ZFHX3: variants seen among roughly 807,000 people sequenced by gnomAD.
ZFHX3 encodes zinc finger homeobox 3, also known as zinc finger homeobox protein 3.
ZFHX3 carries 42 observed loss-of-function variants against 279.1 expected under a neutral mutation model. The ratio of observed to expected loss-of-function variants is 0.15; its 90% CI spans 0.12 to 0.19. The LOEUF (loss-of-function observed/expected upper bound fraction) is 0.19. ZFHX3 is among the 10% of genes least tolerant of loss of function. ZFHX3 has a pLI of 1.00. For missense variants in ZFHX3, 4,981 were observed against 4,754.0 expected (o/e 1.05, Z -1.40); for synonymous variants, 2,293 against 1,957.8 (o/e 1.17, Z -4.52).
At chr16:73,697,845 A>G (rs915488902) in intron 1 of ZFHX3, among the ~76,000 whole-genome samples, 1 of 152,178 alleles carries the variant, frequency 6.6e-6, no homozygotes, top group African/African-American at 2.4e-5. Flanking sequence ...TGGAAAACGT[A>G]TGTTTATTTC....
At chr16:73,443,370 G>A (rs529064091) in intron 3 of ZFHX3, among the ~76,000 whole-genome samples, 13 of 152,292 alleles carry the variant, frequency 8.5e-5, no homozygotes, top group African/African-American at 3.1e-4. Context: ...AGAATAATCA[G>A]AGTTCCCGGA....
chr16:73,409,291 C>T (rs1398376732), intron 3 of ZFHX3, among the ~76,000 whole-genome samples: 1 of 152,192 alleles, frequency 6.6e-6, no homozygotes, highest in African/African-American at 2.4e-5. Flanking sequence ...CTGGCTGAGT[C>T]CTCAACCCTG....
At chr16:73,687,878 G>A (rs958462647) in intron 1 of ZFHX3, among the ~76,000 whole-genome samples, 3 of 147,134 alleles carry the variant, frequency 2.0e-5, no homozygotes, top group Non-Finnish European at 3.0e-5. Context: ...AACAGATTTA[G>A]TAGCTATTAA....
At chr16:73,622,669 G>A (rs112898046) in intron 2 of ZFHX3, among the ~76,000 whole-genome samples, 2 of 152,162 alleles carry the variant, frequency 1.3e-5, no homozygotes, top group African/African-American at 4.8e-5. Flanking sequence ...TGGACACTTA[G>A]GTCCCTCTCT....
intron 5 of ZFHX3, among the ~76,000 whole-genome samples, chr16:73,194,064 C>A (rs1009429373): frequency 6.6e-6 from 1 of 152,206 alleles, no homozygotes; most frequent in Non-Finnish European, 1.5e-5. Flanking sequence ...TATGAACTTT[C>A]TCTGCTGAAG....
intron 4 of ZFHX3, among the ~76,000 whole-genome samples, chr16:73,284,465 T>C (rs1451183927): frequency 6.6e-6 from 1 of 152,070 alleles, no homozygotes; most frequent in Non-Finnish European, 1.5e-5. Context: ...TATTATAAAC[T>C]AAAACACTAA....
chr16:73,815,989 C>T (rs1255622162), intron 1 of ZFHX3: 1 of 152,110 alleles, frequency 6.6e-6, no homozygotes. Context: ...AAGTGGGTGA[C>T]CCTCACTACT....
intron 4 of ZFHX3, among the ~76,000 whole-genome samples, chr16:72,882,787 G>A (rs908879395): frequency 7.9e-5 from 12 of 152,222 alleles, no homozygotes; most frequent in African/African-American, 2.6e-4. Flanking sequence ...CTAGATAATG[G>A]CTCTCAGATT....
At chr16:72,871,337 G>A (rs560174463) in intron 4 of ZFHX3, among the ~76,000 whole-genome samples, 6 of 149,382 alleles carry the variant, frequency 4.0e-5, no homozygotes, top group Non-Finnish European at 7.4e-5. Flanking sequence ...CACCATGCCC[G>A]GCTAATTTTT....
intron 1 of ZFHX3, among the ~76,000 whole-genome samples, chr16:73,802,214 A>G (rs1432133907): frequency 6.6e-6 from 1 of 152,152 alleles, no homozygotes; most frequent in Admixed American, 6.6e-5. Context: ...CCAGGATGAT[A>G]GTATCAAATT....
intron 4 of ZFHX3, among the ~76,000 whole-genome samples, chr16:73,270,430 CT>C (rs2014108693): frequency 6.6e-6 from 1 of 152,184 alleles, no homozygotes. Context: ...TTTAACTTTT[CT>C]TCCATGCTGA....
At chr16:72,815,654 A>G (rs897238888) in intron 5 of ZFHX3, among the ~76,000 whole-genome samples, 12 of 152,258 alleles carry the variant, frequency 7.9e-5, no homozygotes, top group African/African-American at 2.9e-4. Flanking sequence ...AGGCTTTTCT[A>G]AACTTAAACT....
At chr16:73,464,036 A>G (rs2018518178) in intron 2 of ZFHX3, among the ~76,000 whole-genome samples, 1 of 152,222 alleles carries the variant, frequency 6.6e-6, no homozygotes, top group Non-Finnish European at 1.5e-5. Flanking sequence ...AGTGGATGCA[A>G]ACCAGATCCA....
At chr16:73,166,041 G>T (rs1345319576) in intron 5 of ZFHX3, among the ~76,000 whole-genome samples, 3 of 152,146 alleles carry the variant, frequency 2.0e-5, no homozygotes, top group Non-Finnish European at 4.4e-5. Flanking sequence ...AATACTCCTG[G>T]AGGGCTTGGG....
At chr16:73,817,216 G>A (rs1165150944) in intron 1 of ZFHX3, among the ~76,000 whole-genome samples, 1 of 152,198 alleles carries the variant, frequency 6.6e-6, no homozygotes, top group African/African-American at 2.4e-5. Flanking sequence ...GTGCCTGAAA[G>A]TTTCATACCA....
At chr16:73,641,399 C>T (rs1026222999) in intron 2 of ZFHX3, among the ~76,000 whole-genome samples, 2 of 152,090 alleles carry the variant, frequency 1.3e-5, no homozygotes, top group African/African-American at 4.8e-5. Context: ...TGGAGACATG[C>T]GGCCCCCTGA....
rs7189909 is a variant in ZFHX3 at position 73,198,772 on chromosome 16, C to T, written c.-1103-54941G>A. Among the ~76,000 whole-genome samples, 821 of 152,256 alleles carry T rather than the reference C, an allele frequency of 5.4e-3. 10 individuals are homozygous for T. The highest frequency in any genetic ancestry group is 0.019 in the African/African-American group (786 of 41,534). ...TGGGAAGGGCAGAAACAAAAGGGGA[C>T]TTTCACTCAGATGCAGGAGGGAAGC... On this transcript the variant is annotated intron_variant, in intron 5 of 17. Coordinates refer to the ZFHX3 transcript ENST00000641206.
chr16:73,339,294 G>A (rs953703855), intron 3 of ZFHX3, among the ~76,000 whole-genome samples: 9 of 152,140 alleles, frequency 5.9e-5, no homozygotes, highest in Admixed American at 2.6e-4. Flanking sequence ...TAATGAAGTT[G>A]TTTGTGCCTA....
chr16:73,153,742 C>T (rs1009594960), intron 5 of ZFHX3, among the ~76,000 whole-genome samples: 7 of 151,936 alleles, frequency 4.6e-5, no homozygotes, highest in Admixed American at 6.6e-5. Flanking sequence ...CTCCACCTCC[C>T]GGGTTCAAGC....
Sources: gnomAD v4.1 joint callset for allele counts (sites outside exome capture counted in the v4.1 genomes callset) on GRCh38, gnomAD v4.1.1 for gene constraint, MANE v1.5 for transcripts, NCBI Gene and HGNC (gene_info 2026-07-23, HGNC 2026-07-21) for gene names.